The following MBD5 variants were observed in gnomAD, a reference collection of about 807,000 sequenced individuals.
The protein encoded by MBD5 is methyl-CpG binding domain protein 5, also known as methyl-CpG-binding domain protein 5.
A neutral mutation model predicts 117.3 loss-of-function variants in MBD5; 13 were observed. That is an observed-to-expected ratio of 0.11 (90% CI 0.07 to 0.18). The LOEUF (loss-of-function observed/expected upper bound fraction) is 0.18, where lower values mean the gene tolerates loss of function less well. Ranked by LOEUF, MBD5 falls within the 10% of genes least tolerant of loss-of-function variation. The pLI, the probability that MBD5 is intolerant of heterozygous loss-of-function variation, is 1.00. For synonymous variants in MBD5, 727 were observed against 766.4 expected, an observed-to-expected ratio of 0.95 and a Z score of 0.85; for missense variants, 1,879 against 2,093.8, an observed-to-expected ratio of 0.90 and a Z score of 2.00.
chr2:148,108,161 T>C (rs1405945777), intron 1 of MBD5, among the ~76,000 whole-genome samples: 2 of 152,186 alleles, frequency 1.3e-5, no homozygotes, highest in East Asian at 3.8e-4. Flanking sequence ...AAGTGAGTAC[T>C]GTGTCATAGT....
chr2:148,121,945 A>G (rs1558934605), intron 1 of MBD5, among the ~76,000 whole-genome samples: 1 of 152,150 alleles, frequency 6.6e-6, no homozygotes, highest in African/African-American at 2.4e-5. Flanking sequence ...TCTAAGAAGA[A>G]ATTTTAAAAA....
chr2:148,083,611 T>A (rs998381632), intron 1 of MBD5, among the ~76,000 whole-genome samples: 1 of 151,954 alleles, frequency 6.6e-6, no homozygotes, highest in Non-Finnish European at 1.5e-5. Context: ...TAGTTTCATT[T>A]TTTATTTATT....
chr2:148,254,445 C>G (rs780950645), intron 3 of MBD5, among the ~76,000 whole-genome samples: 11 of 152,112 alleles, frequency 7.2e-5, no homozygotes, highest in Non-Finnish European at 1.5e-4. Context: ...GTAACTTGTA[C>G]TTCTACAGTT....
At chr2:148,202,744 T>C (rs544598816) in intron 2 of MBD5, among the ~76,000 whole-genome samples, 102 of 152,240 alleles carry the variant, frequency 6.7e-4, no homozygotes, top group African/African-American at 2.2e-3. Context: ...AGCAGTTCTT[T>C]AGGCCAGGTG....
rs1693726482 is a variant in MBD5 at position 148,021,497 on chromosome 2, T to C, written c.-1112T>C. 1 of 576,012 alleles carries C rather than the reference T, an allele frequency of 1.7e-6. No homozygotes were observed. The highest frequency in any genetic ancestry group is 3.3e-6 in the Non-Finnish European group (1 of 299,560). The allele number at this position is 576,012 out of a possible 1,614,324, so 35.7% of individuals were successfully genotyped here. The stretch of plus-strand genomic sequence containing the variant: ...CTGCTGCTGTTGCTGCTGCTGCTGC[T>C]ACTGCTGCTGCTGCTACTGCTGCTG... On this transcript the variant is annotated 5_prime_UTR_variant, in exon 1 of 14. Transcript: ENST00000642680.
At chr2:148,026,277 T>C (rs1380502243) in intron 1 of MBD5, 3 of 152,228 alleles carry the variant, frequency 2.0e-5, no homozygotes, top group African/African-American at 7.2e-5. Context: ...GTAGAGTTTT[T>C]ATCAATCTGT....
intron 3 of MBD5, among the ~76,000 whole-genome samples, chr2:148,315,278 G>C (rs1443738546): frequency 1.3e-5 from 2 of 152,156 alleles, no homozygotes; most frequent in African/African-American, 2.4e-5. Context: ...TCCACTGCCA[G>C]AAAAGGATGT....
At chr2:148,392,222 G>A (rs1357904008) in intron 4 of MBD5, among the ~76,000 whole-genome samples, 2 of 152,120 alleles carry the variant, frequency 1.3e-5, no homozygotes, top group Non-Finnish European at 2.9e-5. Context: ...AATGTAGACA[G>A]CGACATAGCA....
chr2:148,286,131 C>G (rs1221214726), intron 3 of MBD5, among the ~76,000 whole-genome samples: 1 of 151,952 alleles, frequency 6.6e-6, no homozygotes, highest in East Asian at 1.9e-4. Flanking sequence ...TGAAATTTGC[C>G]GTTTGACTTA....
intron 4 of MBD5, among the ~76,000 whole-genome samples, chr2:148,348,141 C>G (rs12618358): frequency 0.73 from 110,256 of 151,904 alleles, 40,812 homozygotes; most frequent in African/African-American, 0.89. Context: ...GCCTTGTATG[C>G]AGTGATATTA....
intron 1 of MBD5, among the ~76,000 whole-genome samples, chr2:148,159,922 C>T (rs570164341): frequency 1.4e-3 from 209 of 152,178 alleles, no homozygotes; most frequent in African/African-American, 4.7e-3. Flanking sequence ...GCTTTAGTAC[C>T]CTTCTTAACA....
intron 1 of MBD5, among the ~76,000 whole-genome samples, chr2:148,088,699 C>A (rs1384077651): frequency 6.6e-6 from 1 of 152,014 alleles, no homozygotes; most frequent in African/African-American, 2.4e-5. Context: ...ACAAGAAATG[C>A]TAAAAGGAGT....
chr2:148,326,028 A>G (rs1311816458), intron 3 of MBD5, among the ~76,000 whole-genome samples: 1 of 152,076 alleles, frequency 6.6e-6, no homozygotes, highest in Non-Finnish European at 1.5e-5. Context: ...AGATTCTGGT[A>G]TGTTGTGTCT....
chr2:148,471,698 A>G (rs565125983), intron 8 of MBD5: 11 of 152,208 alleles, frequency 7.2e-5, no homozygotes, highest in South Asian at 2.1e-4. Flanking sequence ...GAACTATTCA[A>G]TGATCTCTTA....
At chr2:148,197,812 T>G (rs77610182) in intron 2 of MBD5, among the ~76,000 whole-genome samples, 11,384 of 114,440 alleles carry the variant, frequency 0.099, 566 homozygotes, top group South Asian at 0.16. Context: ...TTTTGTTTTT[T>G]TTTTTGTTTT....
intron 3 of MBD5, among the ~76,000 whole-genome samples, chr2:148,287,393 C>T (rs1322179876): frequency 6.6e-6 from 1 of 152,100 alleles, no homozygotes; most frequent in African/African-American, 2.4e-5. Context: ...AGAACAGGCT[C>T]TTTAGTGTTG....
intron 6 of MBD5, among the ~76,000 whole-genome samples, 187 bp from the exon 7 acceptor site, chr2:148,463,552 G>T (rs1249421747): frequency 6.6e-6 from 1 of 151,978 alleles, no homozygotes; most frequent in Admixed American, 6.6e-5. Flanking sequence ...TATTTACTTT[G>T]CCACTAAAAG....
intron 11 of MBD5, 105 bp from the exon 12 acceptor site, chr2:148,502,331 C>A: frequency 1.0e-6 from 1 of 971,410 alleles, no homozygotes; most frequent in South Asian, 1.4e-5. Context: ...GTTAAGGCTC[C>A]CCTCCCCGCC....
At chr2:148,060,515 A>C in intron 1 of MBD5, among the ~76,000 whole-genome samples, 1 of 152,114 alleles carries the variant, frequency 6.6e-6, no homozygotes, top group East Asian at 1.9e-4. Flanking sequence ...TGATTATTTC[A>C]GGACTTAACT....
Sources: gnomAD v4.1 joint callset for allele counts (sites outside exome capture counted in the v4.1 genomes callset) on GRCh38, gnomAD v4.1.1 for gene constraint, MANE v1.5 for transcripts, NCBI Gene and HGNC (gene_info 2026-07-23, HGNC 2026-07-21) for gene names.